The following DOK6 variants were observed in gnomAD, a reference collection of about 807,000 sequenced individuals.
The protein encoded by DOK6 is downstream of tyrosine kinase 6.
A neutral mutation model predicts 44.0 loss-of-function variants in DOK6; 22 were observed. The ratio of observed to expected loss-of-function variants is 0.50; its 90% confidence interval spans 0.36 to 0.71. The LOEUF (loss-of-function observed/expected upper bound fraction) is 0.71, where lower values mean the gene tolerates loss of function less well. Ranked by LOEUF, DOK6 falls within the 30% of genes least tolerant of loss-of-function variation. The pLI is 0.00. For missense variants in DOK6, 340 were observed against 416.4 expected, an observed-to-expected ratio of 0.82 and a Z score of 1.60; for synonymous variants, 166 against 145.5, an observed-to-expected ratio of 1.14 and a Z score of -1.01.
At chr18:69,498,194 C>A (rs150508013) in intron 1 of DOK6, among the ~76,000 whole-genome samples, 395 of 151,982 alleles carry the variant, frequency 2.6e-3, no homozygotes, top group African/African-American at 8.9e-3. Context: ...GTAAAATGAA[C>A]TTAATTATTT....
intron 3 of DOK6, among the ~76,000 whole-genome samples, chr18:69,606,780 A>ATTTT (rs1984008428): frequency 1.6e-5 from 1 of 62,396 alleles, no homozygotes. Context: ...TTTTTTTTGG[A>ATTTT]GACAGAGTCT....
intron 7 of DOK6, among the ~76,000 whole-genome samples, chr18:69,770,738 C>G (rs994660118): frequency 2.3e-4 from 35 of 152,074 alleles, no homozygotes; most frequent in African/African-American, 7.5e-4. Flanking sequence ...AGCTTTATAG[C>G]ACATTCAAAT....
chr18:69,718,606 A>G (rs1403740762), intron 5 of DOK6, among the ~76,000 whole-genome samples: 1 of 152,184 alleles, frequency 6.6e-6, no homozygotes, highest in African/African-American at 2.4e-5. Flanking sequence ...AAGAAAGGAT[A>G]TTATGCCATT....
chr18:69,623,940 A>G (rs961377557), intron 3 of DOK6, among the ~76,000 whole-genome samples: 7 of 152,190 alleles, frequency 4.6e-5, no homozygotes, highest in African/African-American at 1.7e-4. Flanking sequence ...GGAGTAATTT[A>G]TAGTGCTGGT....
intron 3 of DOK6, among the ~76,000 whole-genome samples, chr18:69,617,290 A>C (rs1057391201): frequency 6.6e-6 from 1 of 151,674 alleles, no homozygotes. Context: ...ACTGCACTCC[A>C]GCCTGACAGA....
At chr18:69,815,814 CAT>C (rs1376657688) in intron 7 of DOK6, among the ~76,000 whole-genome samples, 1 of 151,946 alleles carries the variant, frequency 6.6e-6, no homozygotes, top group African/African-American at 2.4e-5. Context: ...TATATACAAA[CAT>C]ATATGTGTCA....
chr18:69,723,554 CAT>C (rs1978292933), intron 5 of DOK6, among the ~76,000 whole-genome samples: 1 of 152,172 alleles, frequency 6.6e-6, no homozygotes, highest in African/African-American at 2.4e-5. Context: ...CATCTCTAAA[CAT>C]AGAAAATGCA....
intron 1 of DOK6, among the ~76,000 whole-genome samples, chr18:69,472,017 C>T (rs7238969): frequency 0.2 from 30,959 of 152,124 alleles, 3,514 homozygotes; most frequent in Non-Finnish European, 0.26. Context: ...ATTTCCTCAG[C>T]AGGGACTGTG....
intron 1 of DOK6, among the ~76,000 whole-genome samples, chr18:69,430,993 C>T (rs952967214): frequency 5.3e-5 from 8 of 152,148 alleles, no homozygotes; most frequent in African/African-American, 1.7e-4. Context: ...TAATGTTTTC[C>T]CATGTCAATT....
intron 1 of DOK6, among the ~76,000 whole-genome samples, chr18:69,492,776 AT>A (rs1980770763): frequency 9.4e-6 from 1 of 106,122 alleles, no homozygotes; most frequent in African/African-American, 3.0e-5. Flanking sequence ...ATAATATTCC[AT>A]GGTGTATATG....
chr18:69,681,722 A>G (rs1216463546), intron 4 of DOK6, among the ~76,000 whole-genome samples: 2 of 152,348 alleles, frequency 1.3e-5, no homozygotes, highest in African/African-American at 4.8e-5. Context: ...AAATATTAAT[A>G]TATGGCATTA....
intron 2 of DOK6, 43 bp from the exon 3 acceptor site, chr18:69,599,341 C>T: frequency 2.2e-6 from 3 of 1,374,004 alleles, no homozygotes; most frequent in Non-Finnish European, 3.1e-6. Context: ...CAACATACAG[C>T]ATACATACTG....
intron 1 of DOK6, among the ~76,000 whole-genome samples, chr18:69,526,434 A>G (rs1367456073): frequency 6.6e-6 from 1 of 152,158 alleles, no homozygotes; most frequent in Non-Finnish European, 1.5e-5. Context: ...ATTTCATTAT[A>G]TTGCTGAATA....
At chr18:69,718,280 T>TTC (rs753494015) in intron 5 of DOK6, among the ~76,000 whole-genome samples, 2 of 152,182 alleles carry the variant, frequency 1.3e-5, no homozygotes, top group African/African-American at 2.4e-5. Flanking sequence ...GAGAGAGCTA[T>TTC]TCTCCTTTCT....
intron 3 of DOK6, among the ~76,000 whole-genome samples, chr18:69,642,761 G>A (rs1014437658): frequency 9.2e-5 from 14 of 152,090 alleles, no homozygotes; most frequent in African/African-American, 3.1e-4. Flanking sequence ...GAAGGTACAC[G>A]ATGCCAATTT....
intron 1 of DOK6, among the ~76,000 whole-genome samples, chr18:69,416,933 T>C (rs1038450411): frequency 6.6e-6 from 1 of 152,148 alleles, no homozygotes; most frequent in African/African-American, 2.4e-5. Flanking sequence ...AATTTTTAAA[T>C]TTTTTTATGT....
intron 5 of DOK6, among the ~76,000 whole-genome samples, chr18:69,704,049 C>G (rs1384076803): frequency 1.3e-5 from 2 of 152,158 alleles, no homozygotes; most frequent in Non-Finnish European, 2.9e-5. Flanking sequence ...ATGCTGGCAC[C>G]CTGATCTCAG....
chr18:69,471,468 T>C (rs1980105659), intron 1 of DOK6: 1 of 152,032 alleles, frequency 6.6e-6, no homozygotes. Flanking sequence ...GAGACTTAAC[T>C]GACTAGGGCT....
intron 3 of DOK6, among the ~76,000 whole-genome samples, chr18:69,676,436 GT>G (rs1205325353): frequency 6.6e-6 from 1 of 152,154 alleles, no homozygotes; most frequent in African/African-American, 2.4e-5. Context: ...GGAGAGCCCA[GT>G]GTTGGTATTT....
Sources: gnomAD v4.1 joint callset for allele counts (sites outside exome capture counted in the v4.1 genomes callset) on GRCh38, gnomAD v4.1.1 for gene constraint, MANE v1.5 for transcripts, NCBI Gene and HGNC (gene_info 2026-07-23, HGNC 2026-07-21) for gene names.